The following KCNAB3 variants were observed in gnomAD, a reference collection of about 807,000 sequenced individuals.
The protein encoded by KCNAB3 is voltage-gated potassium channel subunit beta-3.
KCNAB3 carries 62 observed loss-of-function variants against 67.7 expected under a neutral mutation model. The observed-to-expected ratio is 0.92, with a 90% confidence interval of 0.75 to 1.13. The LOEUF is 1.13. KCNAB3 is among the 50% of genes most tolerant of loss of function. KCNAB3 has a pLI of 0.00. For missense variants in KCNAB3, 514 were observed against 522.9 expected (o/e 0.98, Z 0.17); for synonymous variants, 212 against 205.4 (o/e 1.03, Z -0.27).
At chr17:7,923,584 C>T (rs910354980) in intron 12 of KCNAB3, 40 bp from the exon 13 acceptor site, 1 of 1,567,498 alleles carries the variant, frequency 6.4e-7, no homozygotes, top group Non-Finnish European at 8.7e-7. Context: ...TGATGGGGAA[C>T]AGTGACCACA....
In KCNAB3 at chr17:7,925,935, C is replaced by G; in HGVS notation, c.490G>C (p.Gly164Arg). 6.2e-7 allele frequency: 1 copy of G among 1,612,916 alleles called. No individual in the cohort carries two copies. The change falls in exon 6 of 14, where the codon GGA (glycine) becomes CGA (arginine). Residue 164 changes from glycine to arginine, a missense_variant. Physicochemically the swap from Gly to Arg is moderately radical, Grantham distance 125. Transcript: ENST00000303790. ...YVITTKIFWG[G>R]QAETERGLSR... The stretch of plus-strand genomic sequence containing the variant: ...CGCAGTGGGGCAGCCACTTACTGTC[C>G]TCCCCAAAAAATCTTGGTAGTGATG...
chr17:7,927,855 G>A (rs549358503), intron 1 of KCNAB3, 29 bp from the exon 2 acceptor site: 1 of 1,613,432 alleles, frequency 6.2e-7, no homozygotes, highest in Admixed American at 1.7e-5. Context: ...GCGGGAAGGG[G>A]TGGAGCCTCC....
chr17:7,925,590 C>T (rs1972201361), intron 7 of KCNAB3, 93 bp downstream of exon 7: 9 of 1,234,908 alleles, frequency 7.3e-6, no homozygotes, highest in East Asian at 2.3e-5. Context: ...CCACCTAAAT[C>T]CCTATTCAAA....
Position 7,924,206 on chromosome 17 carries a change from C to G in KCNAB3, c.771G>C (p.Glu257Asp). ...NLIPPVCEQAEHHLFQREKVE... is the reference protein window; with the variant it reads ...NLIPPVCEQADHHLFQREKVE... ...CCTTCTCCCTCTGAAACAGATGGTG[C>G]TCCGCTTGTTCACACACTGGAGGAA... Residue 257 changes from glutamate (E) to aspartate (D), a missense_variant, in exon 10 of 14, where the codon GAG becomes GAC. Physicochemically the swap from Glu to Asp is conservative, Grantham distance 45 (BLOSUM62 2). Transcript: ENST00000303790. 1 of 1,614,206 alleles carries G rather than the reference C, an allele frequency of 6.2e-7. No individual in the cohort carries two copies. The highest frequency in any genetic ancestry group is 1.7e-5 in the Admixed American group (1 of 60,026).
In KCNAB3 at chr17:7,925,549, AAAG is replaced by A. The variant is rs369324227; in HGVS notation, c.538+131_538+133del. On this transcript the variant is annotated intron_variant, in intron 7 of 13. Coordinates refer to ENST00000303790, the MANE Select transcript of KCNAB3 (RefSeq NM_004732.4). ...CGTCTCAAAAAAAAAAAAAAAAAAA[AAAG>A]AATTCAGACCTTGCCCCCTTGCCAT... 4.3e-3 allele frequency: 3,164 copies of A among 735,900 alleles called. 200 individuals are homozygous for A. The highest frequency in any genetic ancestry group is 0.01 in the East Asian group (358 of 35,350). 45.6% of individuals were successfully genotyped at this position (735,900 alleles called of 1,614,324 possible).
Position 7,929,557 on chromosome 17 carries a change from G to A in KCNAB3, c.-122C>T, listed in dbSNP as rs1206808788. The stretch of plus-strand genomic sequence containing the variant: ...CCCGGCAGAGCGGGAAGGCTGAGGA[G>A]GCTGCGGCGGGAGCCGCCAGGCAGG... On this transcript the variant is annotated 5_prime_UTR_variant, in exon 1 of 14. Coordinates refer to ENST00000303790, the MANE Select transcript of KCNAB3 (RefSeq NM_004732.4). The surrounding 1 kb of genome is among the most constrained non-coding windows in gnomAD (Gnocchi z 5.7). 6.8e-7 allele frequency: 1 copy of A among 1,472,608 alleles called. No homozygotes were observed. Among genetic ancestry groups the A allele is most frequent in the Non-Finnish European group, 8.9e-7 (1 of 1,119,044 alleles). The allele number at this position is 1,472,608 out of a possible 1,614,324, so 91.2% of individuals were successfully genotyped here. A position where few individuals can be genotyped will look rare whatever the true frequency, so the allele number is the denominator to read the frequency against.
Position 7,922,999 on chromosome 17 carries a change from C to G in KCNAB3, c.*103G>C. The G allele has an allele frequency of 2.7e-6, 3 of 1,121,940 alleles. No homozygotes were observed. The highest frequency in any genetic ancestry group is 4.1e-6 in the Non-Finnish European group (3 of 739,122). The allele number at this position is 1,121,940 out of a possible 1,614,324, so 69.5% of individuals were successfully genotyped here. ...GTTGGTGGGCGGGGCTAGTCTGGCT[C>G]CGGCCGCTGCGTGGAGGGATCCGGA... On this transcript the variant is annotated 3_prime_UTR_variant, in exon 14 of 14. Coordinates refer to ENST00000303790, the MANE Select transcript of KCNAB3 (RefSeq NM_004732.4).
At chr17:7,925,545 A>T in intron 7 of KCNAB3, 138 bp downstream of exon 7, 1 of 776,040 alleles carries the variant, frequency 1.3e-6, no homozygotes, top group Non-Finnish European at 2.1e-6. Context: ...AAAAAAAAAA[A>T]AAAAAAGAAT....
rs1164013497 is a variant in KCNAB3 at position 7,923,012 on chromosome 17, G to A, written c.*90C>T. The A allele has an allele frequency of 1.6e-6, 2 of 1,259,680 alleles. No homozygotes were observed. Among genetic ancestry groups the A allele is most frequent in the African/African-American group, 2.9e-5 (2 of 67,906 alleles). 78.0% of individuals were successfully genotyped at this position (1,259,680 alleles called of 1,614,324 possible). A position where few individuals can be genotyped will look rare whatever the true frequency, so the allele number is the denominator to read the frequency against. ...GCTAGTCTGGCTCCGGCCGCTGCGT[G>A]GAGGGATCCGGAGCGGGAGAGGCGG... On this transcript the variant is annotated 3_prime_UTR_variant, in exon 14 of 14. Transcript: ENST00000303790.
rs1188245706 is a variant in KCNAB3, at chr17:7,923,703, T to C, written c.1048+8A>G. The C allele has an allele frequency of 5.8e-6, 9 of 1,557,256 alleles. No homozygotes were observed. In the Middle Eastern group the frequency reaches 5.1e-4, roughly 87 times the overall value. On this transcript the variant is annotated splice_region_variant and intron_variant, in intron 12 of 13. Transcript: ENST00000303790. ...GAGACAGGGCCCCTGCAGGGTGCAA[T>C]GTCTCACCAATAGCAAGCTGGGCCA...
rs201929182 is a variant in KCNAB3 at position 7,927,411 on chromosome 17, C to A, written c.337G>T (p.Val113Leu). 5.0e-6 allele frequency: 8 copies of A among 1,613,956 alleles called. No individual in the cohort carries two copies. In the South Asian group the frequency reaches 7.7e-5, roughly 16 times the overall value. Residue 113 changes from valine to leucine, a missense_variant, in exon 4 of 14, where the codon GTG (valine) becomes TTG (leucine). Coordinates refer to ENST00000303790, the MANE Select transcript of KCNAB3 (RefSeq NM_004732.4). ...SQISDETAEDVLTVAYEHGVN... is the reference protein window; with the variant it reads ...SQISDETAEDLLTVAYEHGVN... Reference sequence around the variant, plus strand: ...CCATGCTCATAGGCTACAGTCAGCACATCCTCTGCTGTCTAGGGAGGTGAA... The same window carrying A: ...CCATGCTCATAGGCTACAGTCAGCAAATCCTCTGCTGTCTAGGGAGGTGAA...
At position 7,927,425 on chromosome 17, in the gene KCNAB3, T is replaced by C. The variant is rs781384951; in HGVS notation, c.325-2A>G. The C allele has an allele frequency of 6.2e-7, 1 of 1,613,776 alleles. No individual in the cohort carries two copies. Among genetic ancestry groups the C allele is most frequent in the Non-Finnish European group, 8.5e-7 (1 of 1,179,866 alleles). On this transcript the variant is annotated splice_acceptor_variant, in intron 3 of 13. Transcript: ENST00000303790. LOFTEE classifies it high-confidence loss of function. ...TACAGTCAGCACATCCTCTGCTGTC[T>C]AGGGAGGTGAAAGAGGTAAAGATCA...
chr17:7,925,226 A>G (rs1972184534), intron 7 of KCNAB3, 43 bp from the exon 8 acceptor site: 2 of 1,528,172 alleles, frequency 1.3e-6, no homozygotes, highest in Non-Finnish European at 1.8e-6. Context: ...CCTCAGCTTC[A>G]GTGTACTAAG....
chr17:7,923,375 G>T, intron 13 of KCNAB3, 81 bp downstream of exon 13: 1 of 1,420,834 alleles, frequency 7.0e-7, no homozygotes, highest in South Asian at 1.2e-5. Context: ...TGACCTGATA[G>T]AGCCATCCTG....
In KCNAB3 at chr17:7,929,794, CTT is replaced by C; in HGVS notation, c.-361_-360del. On this transcript the variant is annotated 5_prime_UTR_variant, in exon 1 of 14. Coordinates refer to ENST00000303790, the MANE Select transcript of KCNAB3 (RefSeq NM_004732.4). This position sits in a 1 kb window ranked among gnomAD's most constrained non-coding sequence, Gnocchi z 5.7. ...GAAGCGGGGCGGGAGAGAGATGCCA[CTT>C]CAGCGCGAACCGCTGCGGGACCCGC... 1 of 1,077,572 alleles carries C rather than the reference CTT, an allele frequency of 9.3e-7. No individual in the cohort carries two copies. The highest frequency in any genetic ancestry group is 2.8e-5 in the South Asian group (1 of 35,998). The allele number at this position is 1,077,572 out of a possible 1,614,324, so 66.8% of individuals were successfully genotyped here.
intron 4 of KCNAB3, among the ~76,000 whole-genome samples, 185 bp from the exon 5 acceptor site, chr17:7,926,288 C>A (rs1217037569): frequency 6.6e-6 from 1 of 152,334 alleles, no homozygotes; most frequent in East Asian, 1.9e-4. Flanking sequence ...GTATAGTTTT[C>A]ATCACATATT....
At position 7,926,040 on chromosome 17, in the gene KCNAB3, C is replaced by T. The variant is rs1020372792; in HGVS notation, c.449+19G>A. 3.7e-6 allele frequency: 6 copies of T among 1,613,936 alleles called. No homozygotes were observed. The African/African-American group carries it at 4.0e-5, about 11-fold the overall frequency. On this transcript the variant is annotated intron_variant, in intron 5 of 13. Transcript: ENST00000303790. ...TTTTGGGTGATCACATCCCCAGCAACCCCCCAAAACAGTCTCACCTCCAAC... is the reference window on the plus strand; with the variant it reads ...TTTTGGGTGATCACATCCCCAGCAATCCCCCAAAACAGTCTCACCTCCAAC...
intron 1 of KCNAB3, among the ~76,000 whole-genome samples, chr17:7,928,795 G>T (rs1312056082): frequency 6.6e-6 from 1 of 152,184 alleles, no homozygotes; most frequent in Non-Finnish European, 1.5e-5. Context: ...TCTGGGTCAG[G>T]CACCCCGAGC....
chr17:7,924,745 G>A (rs968950210), intron 8 of KCNAB3: 1 of 1,285,430 alleles, frequency 7.8e-7, no homozygotes, highest in African/African-American at 1.5e-5. Flanking sequence ...CTCAATTTTT[G>A]TATTTTAGAT....
Sources: allele counts gnomAD v4.1 joint callset (sites outside exome capture counted in the v4.1 genomes callset), GRCh38; gene constraint gnomAD v4.1.1; non-coding constraint Gnocchi (gnomAD v3.1); transcripts MANE v1.5; gene names NCBI Gene and HGNC (gene_info 2026-07-23, HGNC 2026-07-21).